PCMT1: variants seen among roughly 807,000 people sequenced by gnomAD.
PCMT1 encodes protein-L-isoaspartate (D-aspartate) O-methyltransferase.
PCMT1 carries 9 observed loss-of-function variants against 29.2 expected under a neutral mutation model. The observed-to-expected ratio is 0.31, with a 90% CI of 0.19 to 0.54. The LOEUF (loss-of-function observed/expected upper bound fraction) is 0.54. PCMT1 is among the 20% of genes least tolerant of loss of function. PCMT1 has a pLI of 0.95. For synonymous variants in PCMT1, 98 were observed against 97.5 expected (o/e 1.00, Z -0.03); for missense variants, 184 against 282.2 (o/e 0.65, Z 2.49).
chr6:149,769,462 C>T (rs530196319), intron 1 of PCMT1, among the ~76,000 whole-genome samples: 10 of 149,376 alleles, frequency 6.7e-5, no homozygotes, highest in African/African-American at 1.5e-4. Flanking sequence ...TACAGGGGTG[C>T]GCCACCACAC....
chr6:149,751,818 TG>T (rs911315210), intron 1 of PCMT1, among the ~76,000 whole-genome samples: 95 of 151,290 alleles, frequency 6.3e-4, no homozygotes, highest in Non-Finnish European at 5.9e-5. Context: ...TTTTTTTTGG[TG>T]GGGGGACAAT....
chr6:149,776,083 C>T (rs558578905), intron 3 of PCMT1, among the ~76,000 whole-genome samples: 5 of 152,120 alleles, frequency 3.3e-5, no homozygotes, highest in East Asian at 1.9e-4. Flanking sequence ...CGCTTGAACC[C>T]GGGAGGCAGA....
intron 4 of PCMT1, among the ~76,000 whole-genome samples, chr6:149,790,773 C>T (rs1416612247): frequency 6.6e-6 from 1 of 152,056 alleles, no homozygotes; most frequent in Non-Finnish European, 1.5e-5. Flanking sequence ...CTTTGGGAGG[C>T]TTAGGCAGGC....
chr6:149,754,784 C>T (rs1786449884), intron 1 of PCMT1, among the ~76,000 whole-genome samples: 2 of 152,188 alleles, frequency 1.3e-5, no homozygotes, highest in Non-Finnish European at 2.9e-5. Context: ...TCTATGCTGT[C>T]TACACCTGCC....
rs1367985233 is a variant in PCMT1 at position 149,803,076 on chromosome 6, A to C, written c.*37+660A>C. Reference sequence around the variant, plus strand: ...TCAAAAAAAAAAAAAAAAAAAAAAAAAAAAAACAAGGGGCCATCATTTCCT... The same window carrying C: ...TCAAAAAAAAAAAAAAAAAAAAAAACAAAAAACAAGGGGCCATCATTTCCT... On this transcript the variant is annotated intron_variant, in intron 7 of 7. Transcript: ENST00000464889. 1.5e-4 allele frequency among the ~76,000 whole-genome samples: 20 copies of C among 129,616 alleles called. 1 individual carries two copies. The highest frequency in any genetic ancestry group is 4.9e-4 in the African/African-American group (16 of 32,354). 85.0% of individuals were successfully genotyped at this position (129,616 alleles called of 152,430 possible).
At chr6:149,758,007 C>T (rs1051782832) in intron 1 of PCMT1, among the ~76,000 whole-genome samples, 4 of 151,682 alleles carry the variant, frequency 2.6e-5, no homozygotes, top group African/African-American at 9.7e-5. Context: ...CTTAGCCTCC[C>T]GAGTAGCTGG....
At chr6:149,783,071 A>G (rs1356936805) in intron 3 of PCMT1, among the ~76,000 whole-genome samples, 1 of 152,186 alleles carries the variant, frequency 6.6e-6, no homozygotes, top group Non-Finnish European at 1.5e-5. Context: ...ATCTAAAACC[A>G]TTAGGAGGAA....
chr6:149,771,539 C>CG (rs1787323792), intron 2 of PCMT1, among the ~76,000 whole-genome samples: 1 of 152,104 alleles, frequency 6.6e-6, no homozygotes, highest in Non-Finnish European at 1.5e-5. Context: ...TATTTGGAGA[C>CG]GGAGTCTCAT....
intron 3 of PCMT1, among the ~76,000 whole-genome samples, chr6:149,774,029 C>T (rs1374151236): frequency 6.6e-6 from 1 of 151,706 alleles, no homozygotes; most frequent in East Asian, 1.9e-4. Context: ...ACCTTGTCAC[C>T]CAGGCTGGAA....
intron 1 of PCMT1, among the ~76,000 whole-genome samples, chr6:149,770,924 A>G (rs1418136985): frequency 3.4e-5 from 5 of 146,314 alleles, no homozygotes; most frequent in Non-Finnish European, 7.5e-5. Flanking sequence ...GCGTGAACCC[A>G]GGAGGCAGAG....
At chr6:149,773,912 C>T (rs185276797) in intron 3 of PCMT1, among the ~76,000 whole-genome samples, 215 of 152,300 alleles carry the variant, frequency 1.4e-3, no homozygotes, top group Non-Finnish European at 2.1e-3. Context: ...CATTAAGCTG[C>T]ATAGCTCCTT....
At chr6:149,765,551 T>C (rs1319082450) in intron 1 of PCMT1, 2 of 216,186 alleles carry the variant, frequency 9.3e-6, no homozygotes, top group Non-Finnish European at 1.8e-5. Flanking sequence ...TACATTGTTT[T>C]CTCTATTTGA....
At chr6:149,805,319 C>A (rs74730079) in intron 7 of PCMT1, among the ~76,000 whole-genome samples, 1 of 152,016 alleles carries the variant, frequency 6.6e-6, no homozygotes, top group Non-Finnish European at 1.5e-5. Context: ...TTAGGCTGGG[C>A]GCAGTGGCTC....
intron 7 of PCMT1, chr6:149,810,139 A>C (rs1452597930): frequency 6.4e-6 from 1 of 155,144 alleles, no homozygotes; most frequent in Non-Finnish European, 1.4e-5. Context: ...TTATACCTAC[A>C]GATGATGCCT....
At chr6:149,794,024 A>G (rs1788494339) in intron 5 of PCMT1, among the ~76,000 whole-genome samples, 1 of 152,118 alleles carries the variant, frequency 6.6e-6, no homozygotes, top group African/African-American at 2.4e-5. Context: ...TTCTTCTCCC[A>G]TCTGAGGTGT....
intron 3 of PCMT1, among the ~76,000 whole-genome samples, chr6:149,783,551 A>G (rs1356255064): frequency 1.3e-5 from 2 of 152,104 alleles, no homozygotes; most frequent in East Asian, 3.9e-4. Context: ...AATATTATAT[A>G]CTTCTTAATG....
intron 1 of PCMT1, among the ~76,000 whole-genome samples, chr6:149,759,226 A>G (rs891196726): frequency 2.6e-5 from 4 of 152,152 alleles, no homozygotes; most frequent in African/African-American, 9.7e-5. Context: ...TACAGAAAGT[A>G]CCTGGGAGTG....
intron 3 of PCMT1, 107 bp from the exon 4 acceptor site, chr6:149,789,847 T>C (rs1788282341): frequency 1.7e-6 from 1 of 589,856 alleles, no homozygotes; most frequent in Non-Finnish European, 2.9e-6. Flanking sequence ...CTTGGTTATC[T>C]TGGTAGATGA....
chr6:149,781,705 T>C (rs893561186), intron 3 of PCMT1, among the ~76,000 whole-genome samples: 2 of 152,194 alleles, frequency 1.3e-5, no homozygotes, highest in Non-Finnish European at 2.9e-5. Context: ...GTTAAAACTG[T>C]ATTTTATATA....
Sources: allele counts gnomAD v4.1 joint callset (sites outside exome capture counted in the v4.1 genomes callset), GRCh38; gene constraint gnomAD v4.1.1; transcripts MANE v1.5; gene names NCBI Gene and HGNC (gene_info 2026-07-23, HGNC 2026-07-21).